DLEC1: variants seen among roughly 807,000 people sequenced by gnomAD.
DLEC1 encodes DLEC1 cilia and flagella associated protein, also known as deleted in lung and esophageal cancer protein 1.
A neutral mutation model predicts 198.1 loss-of-function variants in DLEC1; 146 were observed. The observed-to-expected ratio is 0.74, with a 90% confidence interval of 0.64 to 0.85. The LOEUF (loss-of-function observed/expected upper bound fraction) is 0.85. Among genes scored for constraint, DLEC1 ranks in the 40% least tolerant of loss-of-function variants. The pLI is 0.00. For missense variants in DLEC1, 2,233 were observed against 2,220.0 expected (o/e 1.01, Z -0.12); for synonymous variants, 897 against 866.8 (o/e 1.03, Z -0.61).
chr3:38,100,719 C>T (rs1331883224), intron 19 of DLEC1, among the ~76,000 whole-genome samples: 1 of 152,114 alleles, frequency 6.6e-6, no homozygotes, highest in Non-Finnish European at 1.5e-5. Context: ...CTAGTGTTTG[C>T]CCTTCTGAGT....
At chr3:38,041,174 T>C (rs183253656) in intron 1 of DLEC1, among the ~76,000 whole-genome samples, 7 of 152,240 alleles carry the variant, frequency 4.6e-5, no homozygotes, top group African/African-American at 1.7e-4. Context: ...GCTAATTTTT[T>C]TGTATTTTTA....
intron 6 of DLEC1, among the ~76,000 whole-genome samples, chr3:38,080,527 A>G (rs1052199416): frequency 6.6e-6 from 1 of 152,132 alleles, no homozygotes; most frequent in Admixed American, 6.5e-5. Context: ...ATTTTATGAC[A>G]ATTATTTAGA....
chr3:38,058,084 G>A (rs1051439828), intron 2 of DLEC1, among the ~76,000 whole-genome samples: 1 of 152,102 alleles, frequency 6.6e-6, no homozygotes, highest in Non-Finnish European at 1.5e-5. Flanking sequence ...ATTACAGCAT[G>A]AGCCACCGTG....
chr3:38,095,123 A>AC (rs756672686), intron 13 of DLEC1, 52 bp downstream of exon 13: 83 of 1,586,012 alleles, frequency 5.2e-5, no homozygotes, highest in Middle Eastern at 1.7e-4. Flanking sequence ...ATGTATTTAG[A>AC]CCCCCCACCT....
intron 2 of DLEC1, among the ~76,000 whole-genome samples, chr3:38,055,056 T>G (rs780589203): frequency 6.6e-6 from 1 of 152,236 alleles, no homozygotes; most frequent in African/African-American, 2.4e-5. Context: ...GATGAAACTG[T>G]GGGTTTAACA....
chr3:38,080,629 A>C (rs1363405792), intron 6 of DLEC1, among the ~76,000 whole-genome samples: 6 of 152,048 alleles, frequency 3.9e-5, no homozygotes, highest in Non-Finnish European at 8.8e-5. Flanking sequence ...TTGCAGAAGA[A>C]AACAAGGCAT....
rs558733015 is a variant in DLEC1, at chr3:38,064,015, T to C, written c.1173+96T>C. ...AATTTTCTTTTTTTTTTCTTTTTTT[T>C]TTTTTTTTTAGTATTTATTGATCAT... On this transcript the variant is annotated intron_variant, in intron 6 of 36. Transcript: ENST00000308059. 2.5e-4 allele frequency: 228 copies of C among 900,062 alleles called. 2 individuals are homozygous for C. In the African/African-American group the frequency reaches 3.2e-3, roughly 13 times the overall value. The allele number at this position is 900,062 out of a possible 1,614,324, so 55.8% of individuals were successfully genotyped here.
chr3:38,073,499 T>C (rs571894251), intron 6 of DLEC1, among the ~76,000 whole-genome samples: 1 of 152,140 alleles, frequency 6.6e-6, no homozygotes, highest in South Asian at 2.1e-4. Flanking sequence ...AGAGATGTCT[T>C]ATACTTGTGG....
intron 7 of DLEC1, among the ~76,000 whole-genome samples, chr3:38,084,500 A>G (rs908669240): frequency 2.1e-4 from 7 of 32,876 alleles, no homozygotes; most frequent in South Asian, 7.0e-4. Context: ...TGGTAGTAGT[A>G]GTGGTAGTAG....
Position 38,063,998 on chromosome 3 carries a change from TTTTTTTTTC to T in DLEC1, c.1173+88_1173+96del, listed in dbSNP as rs1338360808. ...AAAGTCTTTATTATGGAAATTTTCT[TTTTTTTTTC>T]TTTTTTTTTTTTTTTTTAGTATTTA... On this transcript the variant is annotated intron_variant, in intron 6 of 36. Transcript: ENST00000308059. The T allele has an allele frequency of 2.7e-4, 228 of 853,108 alleles. No homozygotes were observed. The African/African-American group carries it at 4.8e-3, about 18-fold the overall frequency. 52.8% of individuals were successfully genotyped at this position (853,108 alleles called of 1,614,324 possible). A position where few individuals can be genotyped will look rare whatever the true frequency, so the allele number is the denominator to read the frequency against.
Position 38,112,487 on chromosome 3 carries a change from C to G in DLEC1, c.3666+126C>G. On this transcript the variant is annotated intron_variant, in intron 25 of 36. Coordinates refer to ENST00000308059, the MANE Select transcript of DLEC1 (RefSeq NM_007335.4). This position sits in a 1 kb window ranked among gnomAD's most constrained non-coding sequence, Gnocchi z 4.8. The stretch of plus-strand genomic sequence containing the variant: ...AACCTCACCAGGTTGAAACGCGATG[C>G]CCACCGAGCTTGGGATGGGCATTCG... 7.2e-7 allele frequency: 1 copy of G among 1,394,468 alleles called. No individual in the cohort carries two copies. Among genetic ancestry groups the G allele is most frequent in the Non-Finnish European group, 9.8e-7 (1 of 1,021,128 alleles). The allele number at this position is 1,394,468 out of a possible 1,614,324, so 86.4% of individuals were successfully genotyped here. A position where few individuals can be genotyped will look rare whatever the true frequency, so the allele number is the denominator to read the frequency against.
At chr3:38,067,418 G>A (rs1244272843) in intron 6 of DLEC1, among the ~76,000 whole-genome samples, 1 of 152,230 alleles carries the variant, frequency 6.6e-6, no homozygotes, top group African/African-American at 2.4e-5. Flanking sequence ...AGATTTTGCA[G>A]TTAATATTGC....
Position 38,039,539 on chromosome 3 carries a change from C to T in DLEC1, c.314C>T (p.Ser105Leu). 1 of 1,614,040 alleles carries T rather than the reference C, an allele frequency of 6.2e-7. No homozygotes were observed. The highest frequency in any genetic ancestry group is 8.5e-7 in the Non-Finnish European group (1 of 1,179,942). The part of the protein sequence containing the change: ...LLTGVFRNLY[S>L]AEVIGDEVSA... ...ACCGGCGTCTTCCGCAACTTGTACT[C>T]AGCCGAGGTCATCGGCGACGAAGTG... The change falls in exon 1 of 37, where the codon TCA becomes TTA. Residue 105 changes from serine to leucine, a missense_variant. By Grantham distance (145) the Ser-to-Leu change is moderately radical (BLOSUM62 -2). Transcript: ENST00000308059.
intron 6 of DLEC1, among the ~76,000 whole-genome samples, chr3:38,070,853 T>C (rs1697278312): frequency 6.6e-6 from 1 of 152,246 alleles, no homozygotes; most frequent in Non-Finnish European, 1.5e-5. Flanking sequence ...TTTGTGATTC[T>C]TTAGTTACTT....
intron 14 of DLEC1, 134 bp from the exon 15 acceptor site, chr3:38,096,435 T>G: frequency 4.0e-5 from 42 of 1,040,294 alleles, no homozygotes; most frequent in Middle Eastern, 3.2e-4. Context: ...ATGCCTTTGA[T>G]TTAGGGGGCT....
At chr3:38,114,538 T>A in intron 26 of DLEC1, 78 bp downstream of exon 26, 4 of 1,443,678 alleles carry the variant, frequency 2.8e-6, no homozygotes, top group Non-Finnish European at 3.9e-6. Context: ...GCTGCCCACG[T>A]TGGCTTGTTA....
chr3:38,120,396 T>C (rs1158024084), intron 33 of DLEC1, 52 bp from the exon 34 acceptor site: 39 of 1,600,524 alleles, frequency 2.4e-5, no homozygotes, highest in Non-Finnish European at 3.2e-5. Context: ...GGTGGGGAAG[T>C]GGCCACCTGC....
rs776448345 is a variant in DLEC1 at position 38,112,028 on chromosome 3, C to T, written c.3515-182C>T. Among the ~76,000 whole-genome samples, 39 of 152,282 alleles carry T rather than the reference C, an allele frequency of 2.6e-4. No homozygotes were observed. Among genetic ancestry groups the T allele is most frequent in the African/African-American group, 4.1e-4 (17 of 41,556 alleles). ...TCTCAGGGAGTAGAGAGGCTGACCACGCAGGACCCTGAGTAGCTTGCCTCT... is the reference window on the plus strand; with the variant it reads ...TCTCAGGGAGTAGAGAGGCTGACCATGCAGGACCCTGAGTAGCTTGCCTCT... On this transcript the variant is annotated intron_variant, in intron 24 of 36. Coordinates refer to ENST00000308059, the MANE Select transcript of DLEC1 (RefSeq NM_007335.4). This position sits in a 1 kb window ranked among gnomAD's most constrained non-coding sequence, Gnocchi z 4.8.
intron 2 of DLEC1, among the ~76,000 whole-genome samples, chr3:38,049,267 C>G (rs1418753575): frequency 1.3e-5 from 2 of 152,122 alleles, no homozygotes; most frequent in South Asian, 4.1e-4. Flanking sequence ...GAAGTAGACA[C>G]ACTAATCCAG....
Sources: allele counts gnomAD v4.1 joint callset (sites outside exome capture counted in the v4.1 genomes callset), GRCh38; gene constraint gnomAD v4.1.1; non-coding constraint Gnocchi (gnomAD v3.1); transcripts MANE v1.5; gene names NCBI Gene and HGNC (gene_info 2026-07-23, HGNC 2026-07-21).